The following MMP26 variants were observed in gnomAD, a reference collection of about 807,000 sequenced individuals.
The protein encoded by MMP26 is matrix metallopeptidase 26.
A neutral mutation model predicts 31.0 loss-of-function variants in MMP26; 33 were observed. The ratio of observed to expected loss-of-function variants is 1.06; its 90% confidence interval spans 0.81 to 1.42. The LOEUF is 1.42. Ranked by LOEUF, MMP26 falls within the 40% of genes most tolerant of loss-of-function variation. The pLI is 0.00. For synonymous variants in MMP26, 122 were observed against 114.9 expected, an observed-to-expected ratio of 1.06 and a Z score of -0.40; for missense variants, 347 against 316.1, an observed-to-expected ratio of 1.10 and a Z score of -0.74.
intron 2 of MMP26, among the ~76,000 whole-genome samples, chr11:4,835,307 G>C (rs575619181): frequency 1.3e-5 from 2 of 151,686 alleles, no homozygotes; most frequent in African/African-American, 4.8e-5. Flanking sequence ...CCAGAGATCT[G>C]GCTTTTGCAA....
chr11:4,805,692 T>C (rs1849257986), intron 2 of MMP26, among the ~76,000 whole-genome samples: 9 of 152,320 alleles, frequency 5.9e-5, no homozygotes, highest in Admixed American at 4.6e-4. Flanking sequence ...GCAGACTCAT[T>C]AACTGATTAA....
chr11:4,914,941 C>A, intron 2 of MMP26: 1 of 1,614,062 alleles, frequency 6.2e-7, no homozygotes. Context: ...TGTTAAGGGC[C>A]TTGAATCTCT....
chr11:4,739,246 C>G (rs1848281551), intron 1 of MMP26, among the ~76,000 whole-genome samples: 1 of 152,196 alleles, frequency 6.6e-6, no homozygotes, highest in East Asian at 1.9e-4. Context: ...CAAAGTCTAT[C>G]TTCATCAAGG....
intron 2 of MMP26, among the ~76,000 whole-genome samples, chr11:4,861,024 A>G (rs1239790766): frequency 2.6e-5 from 4 of 151,020 alleles, no homozygotes; most frequent in African/African-American, 9.7e-5. Context: ...TGTCATCACA[A>G]CCTACATCCA....
rs113509476 is a variant in MMP26 at position 4,867,304 on chromosome 11, G to A, written c.-145+99963G>A. On this transcript the variant is annotated intron_variant, in intron 2 of 7. Coordinates refer to ENST00000380390, the MANE Select transcript of MMP26 (RefSeq NM_021801.5). ...GAACAGACATGTCTCAAAAGAAGAC[G>A]TACATGTGACCAACAAACATATGAC... is the stretch of plus-strand genomic sequence containing the variant. Among the ~76,000 whole-genome samples the A allele has an allele frequency of 2.2e-3, 330 of 150,982 alleles. 1 individual carries two copies. The highest frequency in any genetic ancestry group is 7.6e-3 in the African/African-American group (313 of 41,140).
chr11:4,806,208 G>C (rs548885929), intron 2 of MMP26, among the ~76,000 whole-genome samples: 1 of 152,152 alleles, frequency 6.6e-6, no homozygotes, highest in South Asian at 2.1e-4. Flanking sequence ...GTTGATTTGC[G>C]GTGGAGAGTT....
intron 2 of MMP26, among the ~76,000 whole-genome samples, chr11:4,987,564 G>A (rs1434029147): frequency 4.6e-5 from 7 of 151,904 alleles, no homozygotes; most frequent in South Asian, 2.1e-4. Flanking sequence ...GACTACAGGC[G>A]CCCACCACCA....
chr11:4,915,364 A>G, intron 2 of MMP26: 2 of 1,614,096 alleles, frequency 1.2e-6, no homozygotes, highest in South Asian at 1.1e-5. Context: ...CAAAGCAGGC[A>G]TCATGGCTAA....
chr11:4,931,917 A>G (rs554215224), intron 2 of MMP26, among the ~76,000 whole-genome samples: 17 of 152,148 alleles, frequency 1.1e-4, no homozygotes, highest in African/African-American at 4.1e-4. Context: ...GGAGTATAGT[A>G]GGGAGACTAA....
intron 2 of MMP26, among the ~76,000 whole-genome samples, chr11:4,772,504 C>T (rs990006424): frequency 6.6e-6 from 1 of 152,186 alleles, no homozygotes; most frequent in Admixed American, 6.5e-5. Flanking sequence ...TTTTCAAACA[C>T]TGAGTTTTCC....
intron 2 of MMP26, among the ~76,000 whole-genome samples, chr11:4,827,164 G>A (rs1406856605): frequency 6.6e-6 from 1 of 152,116 alleles, no homozygotes; most frequent in Non-Finnish European, 1.5e-5. Context: ...GGAAAATGAG[G>A]CTAAAAGATT....
chr11:4,730,404 AAG>A (rs59289871), intron 1 of MMP26, among the ~76,000 whole-genome samples: 103 of 144,616 alleles, frequency 7.1e-4, no homozygotes, highest in South Asian at 1.6e-3. Context: ...GTTTCTGGGA[AAG>A]AGAGAGAGAG....
At chr11:4,865,915 C>T (rs965818399) in intron 2 of MMP26, among the ~76,000 whole-genome samples, 1 of 152,070 alleles carries the variant, frequency 6.6e-6, no homozygotes, top group East Asian at 1.9e-4. Flanking sequence ...GCATCTATGG[C>T]TTTATGATAA....
At position 4,829,712 on chromosome 11, in the gene MMP26, T is replaced by C. The variant is rs77026943; in HGVS notation, c.-145+62371T>C. ...GCCTATGATAAATTAGAGACCTTGT[T>C]ACTTACCTAAAGCCATCACATTAAA... On this transcript the variant is annotated intron_variant, in intron 2 of 7. Coordinates refer to ENST00000380390, the MANE Select transcript of MMP26 (RefSeq NM_021801.5). Among the ~76,000 whole-genome samples, 557 of 152,268 alleles carry C rather than the reference T, an allele frequency of 3.7e-3. 4 individuals are homozygous for C. Among genetic ancestry groups the C allele is most frequent in the African/African-American group, 0.011 (444 of 41,556 alleles).
intron 2 of MMP26, among the ~76,000 whole-genome samples, chr11:4,865,636 G>A (rs1486433294): frequency 6.6e-6 from 1 of 151,886 alleles, no homozygotes; most frequent in Non-Finnish European, 1.5e-5. Context: ...CTTCGCAGAG[G>A]AGTAGCAGGA....
chr11:4,854,360 A>T (rs1850018476), intron 2 of MMP26, among the ~76,000 whole-genome samples: 1 of 152,164 alleles, frequency 6.6e-6, no homozygotes, highest in South Asian at 2.1e-4. Context: ...GGACACTCCT[A>T]CCCTAATACT....
intron 2 of MMP26, among the ~76,000 whole-genome samples, chr11:4,979,426 T>A (rs551833634): frequency 1.6e-4 from 25 of 152,160 alleles, no homozygotes; most frequent in Non-Finnish European, 2.2e-4. Flanking sequence ...GAACATCGTG[T>A]CATTTTTAGG....
At chr11:4,799,371 G>T (rs191939351) in intron 2 of MMP26, among the ~76,000 whole-genome samples, 4 of 152,002 alleles carry the variant, frequency 2.6e-5, no homozygotes, top group African/African-American at 9.7e-5. Flanking sequence ...AGAGAGAAGG[G>T]GGGGGTCTCA....
intron 2 of MMP26, among the ~76,000 whole-genome samples, chr11:4,919,645 A>G (rs1851152383): frequency 6.6e-6 from 1 of 152,138 alleles, no homozygotes; most frequent in African/African-American, 2.4e-5. Flanking sequence ...TGCTATTGAT[A>G]ATGTTTTATG....
Sources: allele counts gnomAD v4.1 joint callset (sites outside exome capture counted in the v4.1 genomes callset), GRCh38; gene constraint gnomAD v4.1.1; transcripts MANE v1.5; gene names NCBI Gene and HGNC (gene_info 2026-07-23, HGNC 2026-07-21).